The following INPP4A variants were observed in gnomAD, a reference collection of about 807,000 sequenced individuals.
INPP4A encodes the protein inositol polyphosphate-4-phosphatase, type I, 107kD.
Under a neutral mutation model 119.8 loss-of-function variants are expected in INPP4A, and 33 were observed. The ratio of observed to expected loss-of-function variants is 0.28; its 90% confidence interval spans 0.21 to 0.37. The LOEUF is 0.37. Ranked by LOEUF, INPP4A falls within the 10% of genes least tolerant of loss-of-function variation. The pLI is 1.00. For synonymous variants in INPP4A, 496 were observed against 500.7 expected, an observed-to-expected ratio of 0.99 and a Z score of 0.12; for missense variants, 956 against 1,289.9, an observed-to-expected ratio of 0.74 and a Z score of 3.97.
chr2:98,496,650 A>C (rs541896649), intron 1 of INPP4A, among the ~76,000 whole-genome samples: 1 of 152,352 alleles, frequency 6.6e-6, no homozygotes, highest in South Asian at 2.1e-4. Flanking sequence ...AGAAACATAC[A>C]AGGAACTCAA....
At chr2:98,537,722 G>C in intron 7 of INPP4A, 141 bp from the exon 8 acceptor site, 1 of 651,364 alleles carries the variant, frequency 1.5e-6, no homozygotes. Context: ...TGTGTGCACA[G>C]TGAATGCTGA....
At chr2:98,529,665 G>A (rs1688839826) in intron 4 of INPP4A, among the ~76,000 whole-genome samples, 1 of 152,152 alleles carries the variant, frequency 6.6e-6, no homozygotes, top group African/African-American at 2.4e-5. Context: ...GAACCCGGGA[G>A]GCAGAGCTTG....
chr2:98,568,831 C>T, intron 22 of INPP4A, 163 bp downstream of exon 22: 1 of 586,258 alleles, frequency 1.7e-6, no homozygotes, highest in Non-Finnish European at 3.1e-6. Context: ...GAGAGAGAAG[C>T]TTCCCTTGGC....
intron 13 of INPP4A, among the ~76,000 whole-genome samples, chr2:98,547,911 G>A (rs1233781689): frequency 6.6e-6 from 1 of 152,140 alleles, no homozygotes; most frequent in Non-Finnish European, 1.5e-5. Flanking sequence ...GAGGGAAGGT[G>A]AGCAAAGGCC....
rs549640983 is a variant in INPP4A at position 98,505,724 on chromosome 2, G to A, written c.-165-13240G>A. 1.4e-4 allele frequency among the ~76,000 whole-genome samples: 21 copies of A among 152,316 alleles called. No individual in the cohort carries two copies. In the South Asian group the frequency reaches 2.1e-3, roughly 15 times the overall value. On this transcript the variant is annotated intron_variant, in intron 1 of 24. Transcript: ENST00000409851. ...CGTCACCACAGACGCCTGGGCTTGA[G>A]TTGTGTCTTGCTGATTCAGCAGGAG...
intron 11 of INPP4A, among the ~76,000 whole-genome samples, chr2:98,544,338 A>G (rs79548431): frequency 6.6e-6 from 1 of 152,232 alleles, no homozygotes; most frequent in African/African-American, 2.4e-5. Context: ...TTACTGCTTC[A>G]TGTTGTTTCT....
At chr2:98,559,619 C>T (rs1404074060) in intron 17 of INPP4A, 124 bp downstream of exon 17, 3 of 1,045,216 alleles carry the variant, frequency 2.9e-6, no homozygotes, top group Non-Finnish European at 4.2e-6. Flanking sequence ...TCCAGGACCT[C>T]CTTCGTTGTG....
intron 4 of INPP4A, among the ~76,000 whole-genome samples, chr2:98,522,219 G>A (rs750260747): frequency 5.9e-5 from 9 of 151,354 alleles, no homozygotes; most frequent in East Asian, 5.8e-4. Flanking sequence ...GCCAGGAGGC[G>A]GAGGTTGCAG....
chr2:98,456,658 C>T (rs745866596), intron 1 of INPP4A, among the ~76,000 whole-genome samples: 8 of 152,154 alleles, frequency 5.3e-5, no homozygotes, highest in Non-Finnish European at 1.0e-4. Flanking sequence ...GTTTTTCATT[C>T]TCACCCCTTT....
At chr2:98,587,421 C>T in intron 24 of INPP4A, 55 bp from the exon 25 acceptor site, 1 of 1,487,442 alleles carries the variant, frequency 6.7e-7, no homozygotes, top group Non-Finnish European at 9.0e-7. Flanking sequence ...TAGTTTAAGT[C>T]TTTTCTTTTT....
intron 10 of INPP4A, among the ~76,000 whole-genome samples, chr2:98,540,303 C>T (rs998544466): frequency 2.0e-5 from 3 of 152,140 alleles, no homozygotes; most frequent in African/African-American, 7.2e-5. Flanking sequence ...ATTGTTTGAT[C>T]CTAGCTGCCC....
At chr2:98,447,566 T>A (rs12618524) in intron 1 of INPP4A, among the ~76,000 whole-genome samples, 36,880 of 152,028 alleles carry the variant, frequency 0.24, 4,615 homozygotes, top group Middle Eastern at 0.35. Context: ...TTTTAGTATT[T>A]TGATATAGTT....
intron 1 of INPP4A, among the ~76,000 whole-genome samples, chr2:98,467,382 G>C (rs147016458): frequency 6.6e-6 from 1 of 152,126 alleles, no homozygotes; most frequent in Non-Finnish European, 1.5e-5. Flanking sequence ...TTGCCCCTCC[G>C]TCCCCCTCAT....
chr2:98,480,987 G>A (rs1678318419), intron 1 of INPP4A, among the ~76,000 whole-genome samples: 2 of 152,210 alleles, frequency 1.3e-5, no homozygotes, highest in Admixed American at 6.5e-5. Context: ...TGCAGGCTGT[G>A]CATTACCAGT....
intron 11 of INPP4A, among the ~76,000 whole-genome samples, chr2:98,545,284 T>G (rs1231163873): frequency 6.6e-6 from 1 of 152,168 alleles, no homozygotes; most frequent in Non-Finnish European, 1.5e-5. Flanking sequence ...ATCCCTTTAT[T>G]TTGTAGGCAT....
chr2:98,540,951 A>C (rs556284698), intron 10 of INPP4A, among the ~76,000 whole-genome samples: 2 of 152,250 alleles, frequency 1.3e-5, no homozygotes, highest in Non-Finnish European at 2.9e-5. Flanking sequence ...GCGTGAAAGA[A>C]AGCAAGGCAG....
At chr2:98,454,106 C>CA (rs1307090723) in intron 1 of INPP4A, among the ~76,000 whole-genome samples, 1 of 151,444 alleles carries the variant, frequency 6.6e-6, no homozygotes. Context: ...AACTCCCTCT[C>CA]AAAAAAAAAT....
At chr2:98,534,665 A>G (rs1689884167) in intron 5 of INPP4A, among the ~76,000 whole-genome samples, 1 of 152,210 alleles carries the variant, frequency 6.6e-6, no homozygotes, top group Admixed American at 6.5e-5. Flanking sequence ...CAAGTAGGAG[A>G]GCAAGGAAAG....
intron 2 of INPP4A, 116 bp downstream of exon 2, chr2:98,519,141 A>G (rs557272182): frequency 6.6e-6 from 1 of 152,196 alleles, no homozygotes; most frequent in Admixed American, 6.5e-5. Flanking sequence ...CCTCTGAGAG[A>G]GTGTTTTAAA....
Sources: allele counts gnomAD v4.1 joint callset (sites outside exome capture counted in the v4.1 genomes callset), GRCh38; gene constraint gnomAD v4.1.1; transcripts MANE v1.5; gene names NCBI Gene and HGNC (gene_info 2026-07-23, HGNC 2026-07-21).